CFAP69: variants seen among roughly 807,000 people sequenced by gnomAD.
CFAP69 encodes cilia and flagella associated protein 69, also known as cilia- and flagella-associated protein 69.
A neutral mutation model predicts 123.0 loss-of-function variants in CFAP69; 92 were observed. That is an observed-to-expected ratio of 0.75 (90% confidence interval 0.63 to 0.89). CFAP69 has a LOEUF of 0.89. Ranked by LOEUF, CFAP69 falls within the 40% of genes least tolerant of loss-of-function variation. CFAP69 has a pLI of 0.00. For missense variants in CFAP69, 1,067 were observed against 1,096.9 expected (o/e 0.97, Z 0.39); for synonymous variants, 380 against 364.3 (o/e 1.04, Z -0.49).
At chr7:90,281,706 A>G (rs545675575) in intron 12 of CFAP69, among the ~76,000 whole-genome samples, 136 of 152,342 alleles carry the variant, frequency 8.9e-4, no homozygotes, top group African/African-American at 3.1e-3. Context: ...AGTGTAGGAA[A>G]GGTTTCTTTA....
chr7:90,277,905 C>T (rs1788841621), intron 11 of CFAP69, among the ~76,000 whole-genome samples: 1 of 152,054 alleles, frequency 6.6e-6, no homozygotes. Flanking sequence ...AAAATTACCT[C>T]GTCTATCTGT....
In CFAP69 at chr7:90,286,729, A is replaced by G. The variant is rs558688785; in HGVS notation, c.1656+330A>G. On this transcript the variant is annotated intron_variant, in intron 14 of 22. Transcript: ENST00000389297. ...TTCCCTATTCTTTAAGTTTATATCA[A>G]TGGAATCGCACAATATTTACTCTTT... 2.6e-5 allele frequency among the ~76,000 whole-genome samples: 4 copies of G among 152,218 alleles called. No individual in the cohort carries two copies. In the East Asian group the frequency reaches 7.7e-4, roughly 29 times the overall value.
At chr7:90,268,528 G>T in intron 6 of CFAP69, 144 bp downstream of exon 6, 2 of 566,966 alleles carry the variant, frequency 3.5e-6, no homozygotes, top group Admixed American at 3.7e-5. Flanking sequence ...TGAGCTCTTT[G>T]GTCATCTTTT....
chr7:90,317,165 A>C, the CFAP69 span: 56 of 152,252 alleles, frequency 3.7e-4, no homozygotes, highest in East Asian at 0.01. Flanking sequence ...GAGAAAGGAC[A>C]GGAAAGTTCT....
chr7:90,290,998 G>C (rs1200172461), intron 15 of CFAP69, among the ~76,000 whole-genome samples: 2 of 151,928 alleles, frequency 1.3e-5, no homozygotes, highest in African/African-American at 2.4e-5. Flanking sequence ...TTTAAACCTT[G>C]ATTCCATGTG....
At chr7:90,313,469 C>T (rs1474910432), downstream of CFAP69, among the ~76,000 whole-genome samples, 5 of 152,062 alleles carry the variant, frequency 3.3e-5, no homozygotes, top group Admixed American at 3.3e-4. Flanking sequence ...ATAGATAGAC[C>T]CAATACCCCA....
intron 9 of CFAP69, among the ~76,000 whole-genome samples, chr7:90,276,392 A>G: frequency 6.6e-6 from 1 of 152,226 alleles, no homozygotes; most frequent in East Asian, 1.9e-4. Context: ...CACGAATGTG[A>G]GTCAAAGGAA....
At chr7:90,283,597 A>G (rs1021916081) in intron 13 of CFAP69, among the ~76,000 whole-genome samples, 5 of 152,216 alleles carry the variant, frequency 3.3e-5, no homozygotes, top group Admixed American at 3.3e-4. Context: ...GTCATCAATT[A>G]GACACTTAAT....
In CFAP69 at chr7:90,299,718, A is replaced by G. The variant is rs1584520863; in HGVS notation, c.1858-149A>G. The G allele has an allele frequency of 1.2e-5, 7 of 598,896 alleles. No homozygotes were observed. In the East Asian group the frequency reaches 2.1e-4, roughly 18 times the overall value. 37.1% of individuals were successfully genotyped at this position (598,896 alleles called of 1,614,324 possible). On this transcript the variant is annotated intron_variant, in intron 16 of 22. Transcript: ENST00000389297. ...TAATGTTTGAAAATATAGTCATTAC[A>G]ATGGGTGTCCATTTTAACAGGAGAT...
At chr7:90,274,333 A>T (rs2116953704) in intron 9 of CFAP69, among the ~76,000 whole-genome samples, 1 of 152,292 alleles carries the variant, frequency 6.6e-6, no homozygotes, top group East Asian at 1.9e-4. Flanking sequence ...ACATGTATTT[A>T]CCACTTATGA....
rs377698441 is a variant in CFAP69, at chr7:90,307,832, C to T, written c.2528C>T (p.Thr843Ile). ...NKSWEDFLAR[T>I]SNAKTLKKAK... ...TCATGGGAAGATTTCTTGGCTAGAA[C>T]ATCAAACGCTAAAACGTTAAAGGTA... Residue 843 changes from threonine to isoleucine, a missense_variant, in exon 21 of 23, where the codon ACA becomes ATA. By Grantham distance (89) the Thr-to-Ile change is moderately conservative. Transcript: ENST00000389297. The T allele has an allele frequency of 1.6e-5, 26 of 1,610,966 alleles. No homozygotes were observed. Among genetic ancestry groups the T allele is most frequent in the South Asian group, 2.2e-5 (2 of 90,898 alleles).
At chr7:90,247,081 A>G (rs774723567) in intron 1 of CFAP69, among the ~76,000 whole-genome samples, 35 of 152,200 alleles carry the variant, frequency 2.3e-4, no homozygotes, top group Non-Finnish European at 4.4e-4. Flanking sequence ...GTACTGAGGA[A>G]AAAGGTAGTT....
chr7:90,271,644 A>G lies in CFAP69; in HGVS notation c.651A>G (p.Val217=). 2 of 1,613,656 alleles carry G rather than the reference A, an allele frequency of 1.2e-6. No homozygotes were observed. The highest frequency in any genetic ancestry group is 1.7e-6 in the Non-Finnish European group (2 of 1,179,654). ...ATCAACTTGTTGAGAAACTTTGGGTACTTAAAGTTCTGCAGCATCTCTCAA... is the reference window on the plus strand; with the variant it reads ...ATCAACTTGTTGAGAAACTTTGGGTGCTTAAAGTTCTGCAGCATCTCTCAA... ...LENQLVEKLW[V]LKVLQHLSTS... Residue 217 remains valine, a synonymous_variant, in exon 7 of 23, where the codon GTA becomes GTG. Coordinates refer to ENST00000389297, the MANE Select transcript of CFAP69 (RefSeq NM_001039706.3).
intron 14 of CFAP69, chr7:90,287,471 C>T (rs980554678): frequency 6.6e-5 from 65 of 985,118 alleles, no homozygotes; most frequent in Non-Finnish European, 6.6e-5. Context: ...AAATTTAGAA[C>T]GAGATCTTAA....
intron 15 of CFAP69, among the ~76,000 whole-genome samples, chr7:90,291,654 T>C (rs181529941): frequency 4.9e-4 from 74 of 152,226 alleles, no homozygotes; most frequent in Admixed American, 3.9e-3. Context: ...GGGATTAAGA[T>C]CCGTCTTCTG....
At chr7:90,314,458 A>G (rs141769909), downstream of CFAP69, among the ~76,000 whole-genome samples, 62 of 152,182 alleles carry the variant, frequency 4.1e-4, 1 homozygote, top group East Asian at 0.011. Context: ...TCCTGACTCT[A>G]CAAAAAAATA....
At chr7:90,283,169 G>T in intron 13 of CFAP69, 113 bp downstream of exon 13, 2 of 768,640 alleles carry the variant, frequency 2.6e-6, no homozygotes, top group East Asian at 3.4e-5. Flanking sequence ...AGAAATTCCT[G>T]AATATTTTCT....
At chr7:90,250,303 G>T (rs1796858996) in intron 1 of CFAP69, among the ~76,000 whole-genome samples, 1 of 151,778 alleles carries the variant, frequency 6.6e-6, no homozygotes, top group Non-Finnish European at 1.5e-5. Context: ...TTCTACATTA[G>T]ACAGACCTGC....
chr7:90,257,484 T>C (rs1797787503), intron 2 of CFAP69, among the ~76,000 whole-genome samples: 1 of 152,152 alleles, frequency 6.6e-6, no homozygotes, highest in African/African-American at 2.4e-5. Flanking sequence ...AAATATACAA[T>C]ACATTGTTGT....
Sources: gnomAD v4.1 joint callset for allele counts (sites outside exome capture counted in the v4.1 genomes callset) on GRCh38, gnomAD v4.1.1 for gene constraint, MANE v1.5 for transcripts, NCBI Gene and HGNC (gene_info 2026-07-23, HGNC 2026-07-21) for gene names.